Variants in BABAM2 observed in about 807,000 individuals in gnomAD.
BABAM2 encodes the protein BRISC and BRCA1 A complex member 2.
BABAM2 carries 31 observed loss-of-function variants against 54.7 expected under a neutral mutation model. The observed-to-expected ratio is 0.57, with a 90% CI of 0.43 to 0.77. The LOEUF (loss-of-function observed/expected upper bound fraction) is 0.77, where lower values mean the gene tolerates loss of function less well. Ranked by LOEUF, BABAM2 falls within the 30% of genes least tolerant of loss-of-function variation. BABAM2 has a pLI of 0.00. For synonymous variants in BABAM2, 167 were observed against 162.9 expected (o/e 1.03, Z -0.19); for missense variants, 364 against 455.8 (o/e 0.80, Z 1.83).
chr2:28,011,732 C>T (rs896876421), intron 4 of BABAM2, among the ~76,000 whole-genome samples: 5 of 152,164 alleles, frequency 3.3e-5, no homozygotes, highest in African/African-American at 1.2e-4. Context: ...GTTTGCTCTT[C>T]TTGTTCCATA....
chr2:27,994,068 A>T (rs913456428), intron 4 of BABAM2, among the ~76,000 whole-genome samples: 2 of 152,152 alleles, frequency 1.3e-5, no homozygotes, highest in African/African-American at 4.8e-5. Flanking sequence ...TCATTTTTCA[A>T]ATCTCCATTT....
chr2:28,077,440 A>C (rs1370263755), intron 6 of BABAM2, among the ~76,000 whole-genome samples: 5 of 152,198 alleles, frequency 3.3e-5, no homozygotes, highest in African/African-American at 1.2e-4. Context: ...CAGAAGAGGT[A>C]GTGTACAGAG....
chr2:27,913,893 T>C (rs571610616), intron 2 of BABAM2, among the ~76,000 whole-genome samples: 3 of 152,332 alleles, frequency 2.0e-5, no homozygotes, highest in Admixed American at 2.0e-4. Flanking sequence ...TTGTAACTGA[T>C]GAAGATTTTT....
In BABAM2 at chr2:28,338,698, G is replaced by T. The variant is rs1691687828; in HGVS notation, c.*185G>T. The T allele has an allele frequency of 1.6e-6, 1 of 624,812 alleles. No homozygotes were observed. The highest frequency in any genetic ancestry group is 1.8e-5 in the African/African-American group (1 of 54,602). 38.7% of individuals were successfully genotyped at this position (624,812 alleles called of 1,614,324 possible). A position where few individuals can be genotyped will look rare whatever the true frequency, so the allele number is the denominator to read the frequency against. On this transcript the variant is annotated 3_prime_UTR_variant, in exon 12 of 12. Transcript: ENST00000379624. Reference sequence around the variant, plus strand: ...AACTTGAGCTGGCTGGTGGTCCCTGGATCCTAGAGCCCTTCACTTCGGGTT... The same window carrying T: ...AACTTGAGCTGGCTGGTGGTCCCTGTATCCTAGAGCCCTTCACTTCGGGTT...
intron 3 of BABAM2, among the ~76,000 whole-genome samples, chr2:27,940,940 C>T (rs1668831180): frequency 6.6e-6 from 1 of 152,156 alleles, no homozygotes; most frequent in Non-Finnish European, 1.5e-5. Flanking sequence ...CAACCAACCC[C>T]CGACTTCTGT....
chr2:27,909,718 T>G (rs1666442238), intron 2 of BABAM2, among the ~76,000 whole-genome samples: 1 of 152,198 alleles, frequency 6.6e-6, no homozygotes, highest in African/African-American at 2.4e-5. Context: ...TAGTATCTCC[T>G]TCTGTGGCAA....
intron 4 of BABAM2, among the ~76,000 whole-genome samples, chr2:28,021,950 G>T (rs1442987402): frequency 6.6e-6 from 1 of 152,106 alleles, no homozygotes; most frequent in Non-Finnish European, 1.5e-5. Context: ...GTGGCACTGT[G>T]GCCAAAAAAC....
chr2:28,122,943 A>C (rs1192482848), intron 6 of BABAM2, among the ~76,000 whole-genome samples: 1 of 152,180 alleles, frequency 6.6e-6, no homozygotes, highest in Non-Finnish European at 1.5e-5. Flanking sequence ...ATAAAATCTT[A>C]AGCATAGACT....
At chr2:27,894,487 A>T (rs1405287691) in intron 1 of BABAM2, 46 bp from the exon 2 acceptor site, 3 of 1,557,052 alleles carry the variant, frequency 1.9e-6, no homozygotes, top group Non-Finnish European at 2.7e-6. Context: ...TGTTGTATCT[A>T]GTCCATTTGT....
chr2:28,038,857 G>A (rs1469923039), intron 5 of BABAM2, among the ~76,000 whole-genome samples: 2 of 152,186 alleles, frequency 1.3e-5, no homozygotes, highest in Admixed American at 1.3e-4. Flanking sequence ...AAGTGGAGGT[G>A]TCCTTTTGGT....
chr2:28,066,596 T>C (rs1573509935), intron 6 of BABAM2, among the ~76,000 whole-genome samples: 1 of 152,210 alleles, frequency 6.6e-6, no homozygotes, highest in African/African-American at 2.4e-5. Context: ...GTGGCTGCAG[T>C]AGCCATCTGA....
chr2:28,267,327 C>G (rs1421648911), intron 10 of BABAM2, among the ~76,000 whole-genome samples: 1 of 152,060 alleles, frequency 6.6e-6, no homozygotes, highest in Non-Finnish European at 1.5e-5. Flanking sequence ...GAGGATCCCT[C>G]CTGGTGCTTT....
intron 6 of BABAM2, among the ~76,000 whole-genome samples, chr2:28,069,815 C>T (rs953598621): frequency 6.6e-6 from 1 of 152,188 alleles, no homozygotes; most frequent in Non-Finnish European, 1.5e-5. Context: ...CAGACTACCA[C>T]AGAGCTCTTG....
At chr2:28,261,601 G>A (rs1452755251) in intron 10 of BABAM2, among the ~76,000 whole-genome samples, 3 of 152,118 alleles carry the variant, frequency 2.0e-5, no homozygotes, top group African/African-American at 7.2e-5. Flanking sequence ...GCCTCCCAAA[G>A]TGCTGGGATT....
chr2:28,207,758 C>T (rs1178248098), intron 7 of BABAM2, among the ~76,000 whole-genome samples: 1 of 152,124 alleles, frequency 6.6e-6, no homozygotes, highest in Non-Finnish European at 1.5e-5. Context: ...CTGGATACCT[C>T]CAAAGGATTT....
intron 6 of BABAM2, among the ~76,000 whole-genome samples, chr2:28,096,390 AAC>A (rs1249315161): frequency 6.2e-5 from 9 of 146,304 alleles, no homozygotes; most frequent in East Asian, 4.0e-4. Context: ...AAAAAAAAAA[AAC>A]CATATTAAGC....
At chr2:28,016,536 G>A in intron 4 of BABAM2, 1 of 674,760 alleles carries the variant, frequency 1.5e-6, no homozygotes, top group Admixed American at 2.3e-5. Flanking sequence ...CCGGAGAGAT[G>A]GCCGAAGCGG....
intron 5 of BABAM2, among the ~76,000 whole-genome samples, chr2:28,043,604 C>G (rs1222782778): frequency 6.6e-6 from 1 of 152,198 alleles, no homozygotes; most frequent in Non-Finnish European, 1.5e-5. Flanking sequence ...TTACCCCTTT[C>G]AAAGTATGAC....
At chr2:28,215,332 G>A (rs1011874590) in intron 7 of BABAM2, among the ~76,000 whole-genome samples, 3 of 152,050 alleles carry the variant, frequency 2.0e-5, no homozygotes, top group Admixed American at 6.6e-5. Flanking sequence ...CTTTAAAATA[G>A]GGCTAAGAAC....
Sources: gnomAD v4.1 joint callset for allele counts (sites outside exome capture counted in the v4.1 genomes callset) on GRCh38, gnomAD v4.1.1 for gene constraint, MANE v1.5 for transcripts, NCBI Gene and HGNC (gene_info 2026-07-23, HGNC 2026-07-21) for gene names.